The following NOS1AP variants were observed in gnomAD, a reference collection of about 807,000 sequenced individuals.
NOS1AP encodes nitric oxide synthase 1 adaptor protein, also known as carboxyl-terminal PDZ ligand of neuronal nitric oxide synthase protein.
NOS1AP carries 21 observed loss-of-function variants against 56.2 expected under a neutral mutation model. The ratio of observed to expected loss-of-function variants is 0.37; its 90% confidence interval spans 0.26 to 0.54. NOS1AP has a LOEUF of 0.54. Ranked by LOEUF, NOS1AP falls within the 20% of genes least tolerant of loss-of-function variation. The pLI is 0.84. For synonymous variants in NOS1AP, 270 were observed against 274.6 expected (o/e 0.98, Z 0.17); for missense variants, 522 against 657.8 (o/e 0.79, Z 2.26).
intron 2 of NOS1AP, among the ~76,000 whole-genome samples, chr1:162,257,919 G>A (rs954592493): frequency 6.6e-6 from 1 of 151,952 alleles, no homozygotes; most frequent in African/African-American, 2.4e-5. Flanking sequence ...TTTCAGAGAG[G>A]ACATTTCCCG....
At chr1:162,125,084 TG>T (rs1208264221) in intron 1 of NOS1AP, among the ~76,000 whole-genome samples, 1 of 151,822 alleles carries the variant, frequency 6.6e-6, no homozygotes, top group Non-Finnish European at 1.5e-5. Context: ...AGTGAGTAAG[TG>T]TTCCCTTTAC....
intron 2 of NOS1AP, among the ~76,000 whole-genome samples, chr1:162,263,483 T>C (rs1654304121): frequency 6.6e-6 from 1 of 152,224 alleles, no homozygotes; most frequent in African/African-American, 2.4e-5. Context: ...GGATTAAGTT[T>C]CTAACACATA....
rs910702807 is a variant in NOS1AP, at chr1:162,069,726, T to G, written c.-452T>G. The G allele has an allele frequency of 6.5e-6, 1 of 153,156 alleles. No individual in the cohort carries two copies. The highest frequency in any genetic ancestry group is 1.5e-5 in the Non-Finnish European group (1 of 68,808). The allele number at this position is 153,156 out of a possible 1,614,324, so 9.5% of individuals were successfully genotyped here. Reference sequence around the variant, plus strand: ...CCGCTCGCTGGCGGCTGATCCAGCGTCTCCGTGACAGGCACCCTGCTCCGC... The same window carrying G: ...CCGCTCGCTGGCGGCTGATCCAGCGGCTCCGTGACAGGCACCCTGCTCCGC... On this transcript the variant is annotated 5_prime_UTR_variant, in exon 1 of 10. Transcript: ENST00000361897.
At chr1:162,208,072 G>A (rs557094270) in intron 2 of NOS1AP, among the ~76,000 whole-genome samples, 2 of 152,100 alleles carry the variant, frequency 1.3e-5, no homozygotes, top group Middle Eastern at 3.2e-3. Flanking sequence ...GCTATGATGC[G>A]GGAGGACCAG....
intron 2 of NOS1AP, among the ~76,000 whole-genome samples, chr1:162,197,642 C>G (rs1029013130): frequency 6.6e-6 from 1 of 152,172 alleles, no homozygotes; most frequent in Admixed American, 6.5e-5. Flanking sequence ...CTTTACCCAA[C>G]CCTTTTCAGG....
chr1:162,192,514 G>A (rs1411973719), intron 2 of NOS1AP, among the ~76,000 whole-genome samples: 1 of 152,150 alleles, frequency 6.6e-6, no homozygotes, highest in African/African-American at 2.4e-5. Context: ...TTGTGTTAGA[G>A]GAACCAGAAG....
At chr1:162,172,748 CA>C (rs1247284537) in intron 2 of NOS1AP, among the ~76,000 whole-genome samples, 1 of 151,956 alleles carries the variant, frequency 6.6e-6, no homozygotes, top group Non-Finnish European at 1.5e-5. Flanking sequence ...GTTTTCATCT[CA>C]AGGTTTTGCA....
intron 2 of NOS1AP, among the ~76,000 whole-genome samples, chr1:162,168,974 G>T (rs1650636160): frequency 6.6e-6 from 1 of 152,296 alleles, no homozygotes; most frequent in Non-Finnish European, 1.5e-5. Context: ...GACATCCAAG[G>T]ATTCCGTCTC....
In NOS1AP at chr1:162,207,736, C is replaced by G. The variant is rs1176657668; in HGVS notation, c.177+53260C>G. On this transcript the variant is annotated intron_variant, in intron 2 of 9. Transcript: ENST00000361897. ...AAAATCATGATACATACTGTACGGT[C>G]TCAGTCCCATAAAATTGGATGTTGT... 2.6e-5 allele frequency among the ~76,000 whole-genome samples: 4 copies of G among 152,148 alleles called. No homozygotes were observed. In the East Asian group the frequency reaches 7.7e-4, roughly 29 times the overall value.
chr1:162,268,589 C>T (rs576053558), intron 2 of NOS1AP, among the ~76,000 whole-genome samples: 2 of 151,948 alleles, frequency 1.3e-5, no homozygotes, highest in Admixed American at 1.3e-4. Context: ...AGGAAACTCT[C>T]CAACGCAGAA....
At chr1:162,245,895 G>A (rs575203639) in intron 2 of NOS1AP, among the ~76,000 whole-genome samples, 2 of 152,322 alleles carry the variant, frequency 1.3e-5, no homozygotes, top group South Asian at 2.1e-4. Context: ...ATGGATTAAC[G>A]TTTACGTTTT....
intron 2 of NOS1AP, among the ~76,000 whole-genome samples, chr1:162,214,699 G>T (rs572028815): frequency 6.6e-6 from 1 of 151,918 alleles, no homozygotes; most frequent in Non-Finnish European, 1.5e-5. Context: ...ATCTTATATT[G>T]TATATTTGTT....
At chr1:162,300,552 C>A in intron 3 of NOS1AP, 81 bp from the exon 4 acceptor site, 1 of 1,246,268 alleles carries the variant, frequency 8.0e-7, no homozygotes, top group Non-Finnish European at 1.2e-6. Flanking sequence ...GAGCAAAATG[C>A]ATGTGTTTGC....
chr1:162,367,171 G>T lies in NOS1AP; in HGVS notation c.1225G>T (p.Ala409Ser). 1 of 1,613,812 alleles carries T rather than the reference G, an allele frequency of 6.2e-7. No individual in the cohort carries two copies. Among genetic ancestry groups the T allele is most frequent in the Non-Finnish European group, 8.5e-7 (1 of 1,179,960 alleles). ...TTCGCCGCCGCTGGGCGCGGGCTTG[G>T]CTGACTTTGCCCACCCTGCGGGCAG... ...LHSPPLGAGLADFAHPAGSPL... is the reference protein window; with the variant it reads ...LHSPPLGAGLSDFAHPAGSPL... Residue 409 changes from alanine (A) to serine (S), a missense_variant, in exon 10 of 10, where the codon GCT (alanine) becomes TCT (serine). This residue lies in a region of NOS1AP where 160 missense variants were observed against 180.3 expected (regional missense o/e 0.89). Coordinates refer to ENST00000361897, the MANE Select transcript of NOS1AP (RefSeq NM_014697.3). The surrounding 1 kb of genome is among the most constrained non-coding windows in gnomAD (Gnocchi z 6.5).
At chr1:162,204,138 A>T (rs939865606) in intron 2 of NOS1AP, among the ~76,000 whole-genome samples, 57 of 152,206 alleles carry the variant, frequency 3.7e-4, no homozygotes, top group African/African-American at 1.3e-3. Context: ...TCTGGGGACA[A>T]TACAAACTCC....
intron 2 of NOS1AP, among the ~76,000 whole-genome samples, chr1:162,202,593 T>C (rs1424769646): frequency 6.6e-6 from 1 of 152,154 alleles, no homozygotes; most frequent in African/African-American, 2.4e-5. Flanking sequence ...ATGTCATAGT[T>C]TGTGTTTTTA....
chr1:162,105,083 T>G (rs568729051), intron 1 of NOS1AP, among the ~76,000 whole-genome samples: 1 of 152,218 alleles, frequency 6.6e-6, no homozygotes, highest in East Asian at 1.9e-4. Flanking sequence ...TTGAATAGGG[T>G]TTTTGAGGGG....
chr1:162,129,748 AGG>A (rs1315453859), intron 1 of NOS1AP, among the ~76,000 whole-genome samples: 1 of 152,220 alleles, frequency 6.6e-6, no homozygotes, highest in Non-Finnish European at 1.5e-5. Context: ...CCTAGCCACC[AGG>A]GCACTGCTGA....
chr1:162,268,513 T>A (rs562533117), intron 2 of NOS1AP, among the ~76,000 whole-genome samples: 1 of 152,284 alleles, frequency 6.6e-6, no homozygotes, highest in East Asian at 1.9e-4. Flanking sequence ...CACATAGCAT[T>A]TCTAGTCAGC....
Sources: allele counts gnomAD v4.1 joint callset (sites outside exome capture counted in the v4.1 genomes callset), GRCh38; gene constraint gnomAD v4.1.1; regional missense constraint gnomAD v4.1.1; non-coding constraint Gnocchi (gnomAD v3.1); transcripts MANE v1.5; gene names NCBI Gene and HGNC (gene_info 2026-07-23, HGNC 2026-07-21).